Variants in MCTP2 observed in about 807,000 individuals in gnomAD.
The protein encoded by MCTP2 is multiple C2 and transmembrane domain-containing protein 2.
MCTP2 carries 132 observed loss-of-function variants against 111.6 expected under a neutral mutation model. The observed-to-expected ratio is 1.18, with a 90% CI of 1.03 to 1.37. The LOEUF (loss-of-function observed/expected upper bound fraction) is 1.37. MCTP2 is among the 40% of genes most tolerant of loss of function. The pLI is 0.00. For missense variants in MCTP2, 1,183 were observed against 1,067.9 expected (o/e 1.11, Z -1.50); for synonymous variants, 395 against 387.7 (o/e 1.02, Z -0.22).
intron 4 of MCTP2, 77 bp downstream of exon 4, chr15:94,315,714 A>C: frequency 9.8e-7 from 1 of 1,015,334 alleles, no homozygotes; most frequent in East Asian, 2.5e-5. Flanking sequence ...ATTGTCAGTC[A>C]GGCTTTGACA....
chr15:94,311,069 G>C (rs2076112896), intron 2 of MCTP2, among the ~76,000 whole-genome samples: 1 of 145,446 alleles, frequency 6.9e-6, no homozygotes, highest in African/African-American at 2.6e-5. Context: ...CTGTTGCCCA[G>C]CCTGGAGTAC....
At chr15:94,342,206 C>T (rs1480178138) in intron 7 of MCTP2, 1 of 152,008 alleles carries the variant, frequency 6.6e-6, no homozygotes, top group Non-Finnish European at 1.5e-5. Flanking sequence ...GTGAAGTTTT[C>T]TATAGCATAT....
intron 19 of MCTP2, among the ~76,000 whole-genome samples, chr15:94,445,907 C>T (rs2084091301): frequency 6.6e-6 from 1 of 152,216 alleles, no homozygotes; most frequent in South Asian, 2.1e-4. Context: ...CCACCACATA[C>T]CATCACGGAC....
intron 17 of MCTP2, among the ~76,000 whole-genome samples, chr15:94,430,264 A>T (rs2083100071): frequency 6.6e-6 from 1 of 152,120 alleles, no homozygotes; most frequent in South Asian, 2.1e-4. Flanking sequence ...GCCATCAACC[A>T]GGCCCCTTGT....
At chr15:94,266,321 T>C (rs1010878308) in intron 1 of MCTP2, among the ~76,000 whole-genome samples, 1 of 152,216 alleles carries the variant, frequency 6.6e-6, no homozygotes, top group African/African-American at 2.4e-5. Context: ...AAATATTTTT[T>C]TGACTCGTTT....
At chr15:94,284,155 C>G (rs188514188) in intron 1 of MCTP2, among the ~76,000 whole-genome samples, 2 of 152,300 alleles carry the variant, frequency 1.3e-5, no homozygotes, top group East Asian at 3.9e-4. Context: ...TATGGTGTTT[C>G]TCAATGGGAC....
At chr15:94,472,178 G>A (rs539048089) in intron 21 of MCTP2, among the ~76,000 whole-genome samples, 1 of 152,218 alleles carries the variant, frequency 6.6e-6, no homozygotes, top group African/African-American at 2.4e-5. Flanking sequence ...AGGAGTTCGA[G>A]ACCAGCCTGG....
intron 4 of MCTP2, among the ~76,000 whole-genome samples, chr15:94,335,111 C>T (rs78843609): frequency 0.092 from 14,012 of 152,104 alleles, 663 homozygotes; most frequent in Non-Finnish European, 0.1. Flanking sequence ...TCTCAACTAC[C>T]AGGTTTCCTA....
Position 94,467,415 on chromosome 15 carries a change from TTTATTATAATAATCAAA to T in MCTP2, c.2361-2916_2361-2900del, listed in dbSNP as rs2073456626. ...GTACCTGATATAGTTGTTACTTACT[TTTATTATAATAATCAAA>T]TATGACCAATGGAATATAAAGTCTT... On this transcript the variant is annotated intron_variant, in intron 20 of 22. Coordinates refer to ENST00000357742, the MANE Select transcript of MCTP2 (RefSeq NM_001385001.1). 3.0e-4 allele frequency among the ~76,000 whole-genome samples: 12 copies of T among 40,202 alleles called. No individual in the cohort carries two copies. In the South Asian group the frequency reaches 7.5e-3, roughly 25 times the overall value. The allele number at this position is 40,202 out of a possible 152,430, so 26.4% of individuals were successfully genotyped here.
chr15:94,314,768 T>C (rs1297589908), intron 3 of MCTP2: 2 of 458,314 alleles, frequency 4.4e-6, no homozygotes, highest in Non-Finnish European at 8.7e-6. Context: ...TTAATTGGGC[T>C]CATGTAATAC....
At chr15:94,306,064 A>C (rs1236647131) in intron 2 of MCTP2, among the ~76,000 whole-genome samples, 1 of 152,180 alleles carries the variant, frequency 6.6e-6, no homozygotes, top group East Asian at 1.9e-4. Context: ...CACTGAAAAA[A>C]ATGACCAGCA....
intron 2 of MCTP2, among the ~76,000 whole-genome samples, chr15:94,300,335 C>T (rs761879979): frequency 6.6e-6 from 1 of 151,870 alleles, no homozygotes; most frequent in Non-Finnish European, 1.5e-5. Context: ...CGGTGAAACC[C>T]CATCTCTACT....
Position 94,482,650 on chromosome 15 carries a change from T to G in MCTP2, c.*3616T>G, listed in dbSNP as rs911418015. ...GAGAAGTAACACACTGTACTTGAGA[T>G]GTACACAAGTTAAAGGCAAACATTG... On this transcript the variant is annotated 3_prime_UTR_variant, in exon 23 of 23. Transcript: ENST00000357742. 7 of 152,282 alleles carry G rather than the reference T, an allele frequency of 4.6e-5. No individual in the cohort carries two copies. The highest frequency in any genetic ancestry group is 8.8e-5 in the Non-Finnish European group (6 of 68,030). The allele number at this position is 152,282 out of a possible 1,614,324, so 9.4% of individuals were successfully genotyped here.
chr15:94,352,992 A>G (rs1596451339), intron 8 of MCTP2, among the ~76,000 whole-genome samples: 1 of 152,204 alleles, frequency 6.6e-6, no homozygotes, highest in Non-Finnish European at 1.5e-5. Flanking sequence ...TTGAAAAATA[A>G]CCTTATAGTG....
intron 17 of MCTP2, among the ~76,000 whole-genome samples, chr15:94,437,155 C>CAAAAAAA (rs11352999): frequency 2.9e-5 from 2 of 69,576 alleles, no homozygotes. Flanking sequence ...CTTACACATC[C>CAAAAAAA]AAAAAAAAAA....
intron 1 of MCTP2, among the ~76,000 whole-genome samples, chr15:94,232,595 G>T (rs1596109284): frequency 1.3e-5 from 2 of 152,198 alleles, no homozygotes; most frequent in East Asian, 3.9e-4. Context: ...ACCTGTTAAC[G>T]GGCAGACCTC....
Position 94,315,512 on chromosome 15 carries a change from C to T in MCTP2, c.529-17C>T. The T allele has an allele frequency of 6.3e-7, 1 of 1,593,928 alleles. No homozygotes were observed. ...GCCCAAGACATACTGTCTTAACTGC[C>T]TTCTCCATCTGTGCAGGTACCGGGG... On this transcript the variant is annotated splice_polypyrimidine_tract_variant and intron_variant, in intron 3 of 22. Transcript: ENST00000357742.
intron 3 of MCTP2, 62 bp downstream of exon 3, chr15:94,314,406 G>A: frequency 1.6e-6 from 2 of 1,281,688 alleles, no homozygotes; most frequent in Non-Finnish European, 2.2e-6. Flanking sequence ...CAAATGTTTG[G>A]GTTTGTATTT....
intron 3 of MCTP2, 82 bp from the exon 4 acceptor site, chr15:94,315,447 C>A (rs2076335947): frequency 1.0e-6 from 1 of 1,000,678 alleles, no homozygotes; most frequent in Non-Finnish European, 1.5e-6. Context: ...TCTTTTTTCC[C>A]TCCAAAATCG....
Sources: allele counts gnomAD v4.1 joint callset (sites outside exome capture counted in the v4.1 genomes callset), GRCh38; gene constraint gnomAD v4.1.1; transcripts MANE v1.5; gene names NCBI Gene and HGNC (gene_info 2026-07-23, HGNC 2026-07-21).